TBCK: variants seen among roughly 807,000 people sequenced by gnomAD.
The protein encoded by TBCK is TBC1 domain containing kinase.
A neutral mutation model predicts 113.4 loss-of-function variants in TBCK; 99 were observed. The observed-to-expected ratio is 0.87, with a 90% CI of 0.74 to 1.03. The LOEUF is 1.03. Among genes scored for constraint, TBCK ranks in the 50% least tolerant of loss-of-function variants. The probability of loss-of-function intolerance (pLI) is 0.00; values close to 1 mark genes in which losing one functional copy is unlikely to be tolerated. For synonymous variants in TBCK, 369 were observed against 370.8 expected (o/e 1.00, Z 0.05); for missense variants, 1,045 against 1,061.3 (o/e 0.98, Z 0.21).
At chr4:106,265,524 G>C (rs75983875) in intron 3 of TBCK, among the ~76,000 whole-genome samples, 1 of 129,644 alleles carries the variant, frequency 7.7e-6, no homozygotes, top group Admixed American at 7.6e-5. Context: ...GAGAGATCCA[G>C]AGATCCAAAG....
In TBCK at chr4:106,233,002, A is replaced by G. The variant is rs200888354; in HGVS notation, c.1575T>C (p.His525=). 7.0e-5 allele frequency: 113 copies of G among 1,612,424 alleles called. No homozygotes were observed. The highest frequency in any genetic ancestry group is 6.4e-5 in the Non-Finnish European group (75 of 1,178,944). The change falls in exon 17 of 26, where the codon CAT becomes CAC. Residue 525 remains histidine (H), a synonymous_variant. Transcript: ENST00000394708. ...YDELLSSPEG[H]AKFRRVLKAW... The stretch of plus-strand genomic sequence containing the variant: ...CTTTTAATACACGCCTAAATTTTGC[A>G]TGACCTTCTGGTGATGATAACAGTT...
intron 22 of TBCK, among the ~76,000 whole-genome samples, chr4:106,192,757 A>G (rs1258704015): frequency 3.3e-5 from 5 of 152,032 alleles, no homozygotes; most frequent in African/African-American, 1.2e-4. Context: ...TAATTAATAA[A>G]GACATAATCT....
At chr4:106,311,150 C>T (rs115676689) in intron 1 of TBCK, among the ~76,000 whole-genome samples, 3 of 150,840 alleles carry the variant, frequency 2.0e-5, no homozygotes, top group African/African-American at 4.9e-5. Flanking sequence ...TTAGTAAAAT[C>T]ACTAGATATG....
chr4:106,276,966 T>C (rs143495402), intron 3 of TBCK, among the ~76,000 whole-genome samples: 7 of 152,088 alleles, frequency 4.6e-5, no homozygotes, highest in East Asian at 1.9e-4. Context: ...AATATGTATG[T>C]AGAATATAGA....
At chr4:106,074,294 G>A (rs1290911991) in intron 25 of TBCK, among the ~76,000 whole-genome samples, 1 of 152,162 alleles carries the variant, frequency 6.6e-6, no homozygotes, top group African/African-American at 2.4e-5. Flanking sequence ...AACTTTCTAT[G>A]AAGGAATGGA....
At chr4:106,299,992 C>T (rs571478395) in intron 2 of TBCK, among the ~76,000 whole-genome samples, 11 of 152,260 alleles carry the variant, frequency 7.2e-5, no homozygotes, top group East Asian at 5.8e-4. Context: ...TGAATTCTCA[C>T]GTGTTGTGGG....
chr4:106,272,993 T>A (rs1467331363), intron 3 of TBCK, among the ~76,000 whole-genome samples: 1 of 152,152 alleles, frequency 6.6e-6, no homozygotes, highest in Non-Finnish European at 1.5e-5. Flanking sequence ...CAGTAACAGT[T>A]AAAATAATAG....
At chr4:106,295,948 G>GA (rs950943050) in intron 2 of TBCK, among the ~76,000 whole-genome samples, 3 of 151,992 alleles carry the variant, frequency 2.0e-5, no homozygotes, top group African/African-American at 4.8e-5. Context: ...AATTCATTGG[G>GA]AAAAAAATGC....
rs1560875646 is a variant in TBCK, at chr4:106,233,661, T to A, written c.1450-11A>T. 6.3e-7 allele frequency: 1 copy of A among 1,586,340 alleles called. No homozygotes were observed. Among genetic ancestry groups the A allele is most frequent in the African/African-American group, 1.3e-5 (1 of 74,116 alleles). On this transcript the variant is annotated splice_polypyrimidine_tract_variant and intron_variant, in intron 15 of 25. Coordinates refer to ENST00000394708, the MANE Select transcript of TBCK (RefSeq NM_001163435.3). ...GGCATGAATAGCTCCCTGCAAAAAATAAAAGAAGATATATTAATTTATCAT... is the reference window on the plus strand; with the variant it reads ...GGCATGAATAGCTCCCTGCAAAAAAAAAAAGAAGATATATTAATTTATCAT...
intron 19 of TBCK, among the ~76,000 whole-genome samples, chr4:106,214,335 C>T (rs1360098743): frequency 1.3e-5 from 2 of 152,236 alleles, no homozygotes; most frequent in African/African-American, 2.4e-5. Flanking sequence ...AGGAACGCGG[C>T]TCCTCACCAG....
intron 25 of TBCK, among the ~76,000 whole-genome samples, chr4:106,083,657 A>G (rs963509655): frequency 5.9e-5 from 9 of 152,208 alleles, no homozygotes; most frequent in African/African-American, 2.2e-4. Flanking sequence ...AGGGGTTATC[A>G]GACACCTTAT....
chr4:106,209,906 T>G (rs1302779120), intron 20 of TBCK, among the ~76,000 whole-genome samples: 2 of 147,150 alleles, frequency 1.4e-5, no homozygotes, highest in African/African-American at 4.9e-5. Flanking sequence ...GCTTACATTC[T>G]TTCTATGTTC....
chr4:106,122,038 A>G (rs1165591474), intron 23 of TBCK, among the ~76,000 whole-genome samples: 1 of 152,252 alleles, frequency 6.6e-6, no homozygotes, highest in Non-Finnish European at 1.5e-5. Context: ...GCAGAACTGA[A>G]GGAAATAGAG....
At chr4:106,126,107 G>A (rs915686498) in intron 23 of TBCK, among the ~76,000 whole-genome samples, 5 of 152,002 alleles carry the variant, frequency 3.3e-5, no homozygotes, top group South Asian at 2.1e-4. Context: ...TTGTTCCTTC[G>A]CTTAGAAAGC....
At chr4:106,242,195 T>A (rs1024250028) in intron 12 of TBCK, among the ~76,000 whole-genome samples, 4 of 152,084 alleles carry the variant, frequency 2.6e-5, no homozygotes, top group African/African-American at 9.7e-5. Flanking sequence ...AACAATTTTT[T>A]AAAATGTGAT....
chr4:106,160,564 A>G (rs1027213424), intron 23 of TBCK, among the ~76,000 whole-genome samples: 2 of 151,962 alleles, frequency 1.3e-5, no homozygotes, highest in South Asian at 4.2e-4. Flanking sequence ...TCCACTGCAC[A>G]TTTATTATTC....
intron 3 of TBCK, among the ~76,000 whole-genome samples, chr4:106,276,626 C>T (rs1214791509): frequency 6.6e-6 from 1 of 152,172 alleles, no homozygotes; most frequent in Admixed American, 6.5e-5. Flanking sequence ...CGCAGTGTGG[C>T]TCACGCCTAT....
chr4:106,258,270 AG>A (rs971060097), intron 5 of TBCK, among the ~76,000 whole-genome samples: 3 of 152,070 alleles, frequency 2.0e-5, no homozygotes, highest in African/African-American at 7.2e-5. Flanking sequence ...TGTTTTAATA[AG>A]GTATTAAGCT....
chr4:106,311,837 A>G (rs943560271), intron 1 of TBCK, among the ~76,000 whole-genome samples: 2 of 152,186 alleles, frequency 1.3e-5, no homozygotes, highest in Non-Finnish European at 2.9e-5. Flanking sequence ...GGAAAAGGAA[A>G]GTCCTTTTTA....
Sources: gnomAD v4.1 joint callset for allele counts (sites outside exome capture counted in the v4.1 genomes callset) on GRCh38, gnomAD v4.1.1 for gene constraint, MANE v1.5 for transcripts, NCBI Gene and HGNC (gene_info 2026-07-23, HGNC 2026-07-21) for gene names.